The following QTMAN variants were observed in gnomAD, a reference collection of about 807,000 sequenced individuals.
QTMAN encodes the protein queuosine-tRNA mannosyltransferase.
chr2:144,208,344 C>A, the QTMAN span, among the ~76,000 whole-genome samples: 4 of 152,228 alleles, frequency 2.6e-5, no homozygotes, highest in East Asian at 7.7e-4. Context: ...CATACCCATA[C>A]CCCTATACAT....
At chr2:144,277,856 C>A in the QTMAN span, among the ~76,000 whole-genome samples, 47 of 152,296 alleles carry the variant, frequency 3.1e-4, no homozygotes, top group Non-Finnish European at 6.5e-4. Context: ...CACCCAATCC[C>A]ATTCTAGCAT....
the QTMAN span, among the ~76,000 whole-genome samples, chr2:144,047,796 T>C: frequency 1.5e-4 from 23 of 152,356 alleles, no homozygotes; most frequent in Admixed American, 3.9e-4. Flanking sequence ...GCTTTTCATT[T>C]TGAAAACATA....
At chr2:143,957,814 C>T in the QTMAN span, among the ~76,000 whole-genome samples, 2 of 151,970 alleles carry the variant, frequency 1.3e-5, no homozygotes, top group African/African-American at 4.8e-5. Flanking sequence ...AGTAATGATC[C>T]ATGAATGATG....
the QTMAN span, among the ~76,000 whole-genome samples, chr2:144,259,551 T>C: frequency 6.6e-6 from 1 of 152,194 alleles, no homozygotes; most frequent in African/African-American, 2.4e-5. Context: ...ATGACTCTTT[T>C]GGCGAGCGAC....
the QTMAN span, among the ~76,000 whole-genome samples, chr2:144,273,222 C>A: frequency 6.6e-6 from 1 of 151,764 alleles, no homozygotes; most frequent in Admixed American, 6.6e-5. Flanking sequence ...AAAAAAAAGT[C>A]TGTAAATACT....
chr2:144,097,588 C>A, the QTMAN span, among the ~76,000 whole-genome samples: 3 of 152,210 alleles, frequency 2.0e-5, no homozygotes, highest in East Asian at 5.8e-4. Flanking sequence ...GGGGAGGGAA[C>A]GATCTTGATG....
the QTMAN span, among the ~76,000 whole-genome samples, chr2:143,972,565 A>G: frequency 1.3e-5 from 2 of 152,310 alleles, no homozygotes; most frequent in East Asian, 3.9e-4. Context: ...TTTTCAAAGC[A>G]GCAGGCTTTA....
the QTMAN span, among the ~76,000 whole-genome samples, chr2:143,956,465 T>C: frequency 6.6e-6 from 1 of 152,156 alleles, no homozygotes; most frequent in Non-Finnish European, 1.5e-5. Flanking sequence ...ATTACACATA[T>C]ACACATATTT....
the QTMAN span, among the ~76,000 whole-genome samples, chr2:144,275,024 A>T: frequency 3.3e-5 from 5 of 152,072 alleles, no homozygotes; most frequent in East Asian, 7.7e-4. Context: ...ATCTGGTGTT[A>T]ACAGTGTTGA....
At chr2:144,069,210 G>A in the QTMAN span, among the ~76,000 whole-genome samples, 2 of 151,380 alleles carry the variant, frequency 1.3e-5, no homozygotes, top group Non-Finnish European at 2.9e-5. Flanking sequence ...AACTGGCTGC[G>A]GGAACACTGT....
chr2:144,228,490 T>C, the QTMAN span, among the ~76,000 whole-genome samples: 2 of 152,176 alleles, frequency 1.3e-5, no homozygotes, highest in Non-Finnish European at 2.9e-5. Context: ...CATTTTTCTA[T>C]AGTATGGTAT....
the QTMAN span, among the ~76,000 whole-genome samples, chr2:143,995,946 C>T: frequency 3.9e-5 from 6 of 152,078 alleles, no homozygotes; most frequent in African/African-American, 1.4e-4. Flanking sequence ...GTAAACAGCA[C>T]CTTCATTTAT....
At chr2:144,240,190 C>T in the QTMAN span, among the ~76,000 whole-genome samples, 6 of 152,122 alleles carry the variant, frequency 3.9e-5, no homozygotes, top group Non-Finnish European at 7.3e-5. Context: ...TAAGACTCAG[C>T]AGGACAGAGA....
At chr2:144,159,762 G>A in the QTMAN span, among the ~76,000 whole-genome samples, 2 of 152,084 alleles carry the variant, frequency 1.3e-5, no homozygotes, top group Admixed American at 1.3e-4. Flanking sequence ...AAATAAAAGT[G>A]GTCAATACTC....
the QTMAN span, among the ~76,000 whole-genome samples, chr2:144,124,501 T>C: frequency 5.9e-5 from 9 of 152,050 alleles, no homozygotes; most frequent in East Asian, 1.9e-4. Context: ...CCTGATTTTA[T>C]AGGCATTACT....
chr2:144,098,632 T>C, the QTMAN span, among the ~76,000 whole-genome samples: 1 of 151,602 alleles, frequency 6.6e-6, no homozygotes, highest in Non-Finnish European at 1.5e-5. Flanking sequence ...GGAGAATCGC[T>C]TGAACCTGGG....
At chr2:144,160,778 C>T in the QTMAN span, among the ~76,000 whole-genome samples, 1 of 152,058 alleles carries the variant, frequency 6.6e-6, no homozygotes. Context: ...CTGTGATGGA[C>T]AGAGGAAATA....
the QTMAN span, among the ~76,000 whole-genome samples, chr2:144,000,041 G>A: frequency 6.6e-6 from 1 of 152,000 alleles, no homozygotes; most frequent in Non-Finnish European, 1.5e-5. Context: ...TATGTTCAAT[G>A]ATTTGGAAAA....
chr2:144,331,964 C>G, the QTMAN span, among the ~76,000 whole-genome samples: 1 of 152,174 alleles, frequency 6.6e-6, no homozygotes, highest in Non-Finnish European at 1.5e-5. Flanking sequence ...GCCGGGCAGC[C>G]TGGTGGTCGG....
Sources: allele counts gnomAD v4.1 joint callset (sites outside exome capture counted in the v4.1 genomes callset), GRCh38; gene constraint gnomAD v4.1.1; transcripts MANE v1.5; gene names NCBI Gene and HGNC (gene_info 2026-07-23, HGNC 2026-07-21).